The following RECK variants were observed in gnomAD, a reference collection of about 807,000 sequenced individuals.
The protein encoded by RECK is reversion-inducing cysteine-rich protein with Kazal motifs.
Under a neutral mutation model 115.1 loss-of-function variants are expected in RECK, and 69 were observed. That is an observed-to-expected ratio of 0.60 (90% CI 0.49 to 0.73). RECK has a LOEUF of 0.73. Ranked by LOEUF, RECK falls within the 30% of genes least tolerant of loss-of-function variation. The probability of loss-of-function intolerance (pLI) is 0.00; values close to 1 mark genes in which losing one functional copy is unlikely to be tolerated. For missense variants in RECK, 1,047 were observed against 1,203.7 expected (o/e 0.87, Z 1.93); for synonymous variants, 414 against 419.7 (o/e 0.99, Z 0.17).
At chr9:36,079,666 T>C (rs184618554) in intron 6 of RECK, among the ~76,000 whole-genome samples, 2 of 152,278 alleles carry the variant, frequency 1.3e-5, no homozygotes, top group Admixed American at 1.3e-4. Flanking sequence ...TGGCTGCAAT[T>C]AAAAGCCAAA....
rs546820191 is a variant in RECK, at chr9:36,081,701, G to T, written c.439+1063G>T. 1.9e-3 allele frequency among the ~76,000 whole-genome samples: 289 copies of T among 152,140 alleles called. 2 individuals carry two copies. The highest frequency in any genetic ancestry group is 1.9e-3 in the Non-Finnish European group (132 of 67,988). On this transcript the variant is annotated intron_variant, in intron 7 of 20. Transcript: ENST00000377966. ...ATACAAAAATTAGCTGGGCATGGTG[G>T]CACGTGCCTGTAATCCCAGCTACTA...
intron 6 of RECK, chr9:36,066,870 G>T: frequency 2.3e-6 from 3 of 1,281,748 alleles, no homozygotes; most frequent in Non-Finnish European, 3.1e-6. Flanking sequence ...AGACAGGAAA[G>T]GTAAGAGAGA....
Position 36,102,204 on chromosome 9 carries a change from A to T in RECK, c.1409A>T (p.Asn470Ile), listed in dbSNP as rs1212578526. The change falls in exon 12 of 21, where the codon AAT (asparagine) becomes ATT (isoleucine). Residue 470 changes from asparagine (N) to isoleucine (I), a missense_variant. By Grantham distance (149) the Asn-to-Ile change is moderately radical. Transcript: ENST00000377966. ...ELLSPTDDLKNCIPLDTYLRP... is the reference protein window; with the variant it reads ...ELLSPTDDLKICIPLDTYLRP... ...CTGTCACCTACAGATGATCTGAAGA[A>T]TTGTATACCTTTGGATACATACCTC... 2 of 1,613,246 alleles carry T rather than the reference A, an allele frequency of 1.2e-6. No individual in the cohort carries two copies. The highest frequency in any genetic ancestry group is 1.7e-6 in the Non-Finnish European group (2 of 1,179,564).
At chr9:36,096,197 A>G (rs1321470813) in intron 10 of RECK, among the ~76,000 whole-genome samples, 1 of 151,478 alleles carries the variant, frequency 6.6e-6, no homozygotes, top group Non-Finnish European at 1.5e-5. Context: ...AGATCATGCC[A>G]TTGCACTCCA....
intron 6 of RECK, among the ~76,000 whole-genome samples, chr9:36,073,397 C>G (rs1235850619): frequency 6.6e-6 from 1 of 152,072 alleles, no homozygotes; most frequent in Admixed American, 6.6e-5. Flanking sequence ...TTTCCTCTTT[C>G]TCATCACCTC....
intron 11 of RECK, among the ~76,000 whole-genome samples, chr9:36,101,257 G>A (rs189079708): frequency 1.1e-3 from 165 of 152,294 alleles, no homozygotes; most frequent in African/African-American, 3.8e-3. Flanking sequence ...AGCCGACTTT[G>A]CTCTTCTTAA....
rs1161943394 is a variant in RECK at position 36,063,858 on chromosome 9, A to T, written c.335A>T (p.Glu112Val). 3.1e-6 allele frequency: 5 copies of T among 1,613,854 alleles called. No individual in the cohort carries two copies. The highest frequency in any genetic ancestry group is 2.2e-5 in the East Asian group (1 of 44,880). Residue 112 changes from glutamate to valine, a missense_variant, in exon 5 of 21, where the codon GAG becomes GTG. By Grantham distance (121) the Glu-to-Val change is moderately radical. Coordinates refer to ENST00000377966, the MANE Select transcript of RECK (RefSeq NM_021111.3). ...LGCCELAIALECRQACKQASS... is the reference protein window; with the variant it reads ...LGCCELAIALVCRQACKQASS... ...TGCTGTGAACTGGCTATTGCCTTGG[A>T]GTGTCGACAGGCATGCAAGCAGGTA...
intron 6 of RECK, among the ~76,000 whole-genome samples, chr9:36,080,165 T>G (rs796215187): frequency 1.2e-4 from 18 of 152,202 alleles, no homozygotes; most frequent in African/African-American, 3.9e-4. Flanking sequence ...ATGATTCCAG[T>G]GTACAGCCAT....
intron 1 of RECK, among the ~76,000 whole-genome samples, chr9:36,048,776 C>T (rs1821172151): frequency 6.6e-6 from 1 of 152,158 alleles, no homozygotes; most frequent in African/African-American, 2.4e-5. Flanking sequence ...CCAGGAACCA[C>T]CTCATTTCTC....
intron 9 of RECK, among the ~76,000 whole-genome samples, chr9:36,090,759 T>G (rs1459299486): frequency 6.6e-6 from 1 of 152,208 alleles, no homozygotes; most frequent in Non-Finnish European, 1.5e-5. Context: ...CATGTCCTAG[T>G]TTTACCGTCT....
chr9:36,100,552 CT>C lies in RECK; in HGVS notation c.1298+12del. The C allele has an allele frequency of 6.3e-7, 1 of 1,599,906 alleles. No homozygotes were observed. The highest frequency in any genetic ancestry group is 8.6e-7 in the Non-Finnish European group (1 of 1,168,150). Reference sequence around the variant, plus strand: ...GGAAGTATTATTTGCAAGTAAGTTTCTTTCATCCTAACGATTCTCCAGCTTT... The same window carrying C: ...GGAAGTATTATTTGCAAGTAAGTTTCTTCATCCTAACGATTCTCCAGCTTT... On this transcript the variant is annotated intron_variant, in intron 11 of 20. Transcript: ENST00000377966.
chr9:36,069,263 G>A (rs1822129612), intron 6 of RECK, among the ~76,000 whole-genome samples: 1 of 152,064 alleles, frequency 6.6e-6, no homozygotes, highest in African/African-American at 2.4e-5. Context: ...GAGCAGGCCG[G>A]GTGCGGTGGC....
intron 4 of RECK, among the ~76,000 whole-genome samples, chr9:36,062,521 A>G (rs535122836): frequency 4.1e-4 from 63 of 152,034 alleles, no homozygotes; most frequent in African/African-American, 1.4e-3. Context: ...GCTGTTGCCC[A>G]GGCTGGAGTG....
At position 36,114,602 on chromosome 9, in the gene RECK, C is replaced by T. The variant is rs369927593; in HGVS notation, c.2060+2126C>T. The stretch of plus-strand genomic sequence containing the variant: ...AAGTGGTAGCTCACACGTGTATTCC[C>T]AGCACCTTGGGAAGCCGAGGCAGGC... On this transcript the variant is annotated intron_variant, in intron 16 of 20. Transcript: ENST00000377966. Among the ~76,000 whole-genome samples, 10 of 152,182 alleles carry T rather than the reference C, an allele frequency of 6.6e-5. No individual in the cohort carries two copies. In the East Asian group the frequency reaches 1.7e-3, roughly 26 times the overall value.
intron 13 of RECK, 114 bp downstream of exon 13, chr9:36,105,397 C>T (rs547181880): frequency 1.2e-5 from 12 of 984,044 alleles, no homozygotes; most frequent in South Asian, 3.4e-5. Context: ...GGGTTATCTT[C>T]GGAGTGAGAT....
intron 15 of RECK, among the ~76,000 whole-genome samples, chr9:36,111,176 G>C (rs1824028845): frequency 2.0e-5 from 3 of 152,158 alleles, no homozygotes; most frequent in Admixed American, 2.0e-4. Flanking sequence ...TGTGGCCCCT[G>C]GTGTCCTGGG....
chr9:36,115,441 C>T (rs973517019), intron 16 of RECK, among the ~76,000 whole-genome samples: 2 of 151,974 alleles, frequency 1.3e-5, no homozygotes, highest in African/African-American at 4.8e-5. Flanking sequence ...CAAGTCTCTG[C>T]CCTGCTCACG....
At chr9:36,047,702 T>C (rs910047954) in intron 1 of RECK, among the ~76,000 whole-genome samples, 1 of 152,120 alleles carries the variant, frequency 6.6e-6, no homozygotes, top group Non-Finnish European at 1.5e-5. Context: ...CTTTTTTTTC[T>C]TCTGAAATGT....
rs548943720 is a variant in RECK at position 36,116,884 on chromosome 9, C to A, written c.2061-101C>A. ...GAGACAGGACTGTCCTGATTCATCT[C>A]TTGCTCTCTCTTCAGCCTCCTATCC... On this transcript the variant is annotated intron_variant, in intron 16 of 20. Coordinates refer to ENST00000377966, the MANE Select transcript of RECK (RefSeq NM_021111.3). 6.6e-4 allele frequency: 602 copies of A among 911,464 alleles called. 8 individuals carry two copies. In the South Asian group the frequency reaches 9.2e-3, roughly 14 times the overall value. 56.5% of individuals were successfully genotyped at this position (911,464 alleles called of 1,614,324 possible). A position where few individuals can be genotyped will look rare whatever the true frequency, so the allele number is the denominator to read the frequency against.
Sources: gnomAD v4.1 joint callset for allele counts (sites outside exome capture counted in the v4.1 genomes callset) on GRCh38, gnomAD v4.1.1 for gene constraint, MANE v1.5 for transcripts, NCBI Gene and HGNC (gene_info 2026-07-23, HGNC 2026-07-21) for gene names.